The following PYROXD1 variants were observed in gnomAD, a reference collection of about 807,000 sequenced individuals.
PYROXD1 encodes the protein pyridine nucleotide-disulphide oxidoreductase domain 1, also known as tRNA ligase complex-associated NAD(P)H dehydrogenase PYROXD1.
Under a neutral mutation model 62.0 loss-of-function variants are expected in PYROXD1, and 42 were observed. The ratio of observed to expected loss-of-function variants is 0.68; its 90% CI spans 0.53 to 0.88. The LOEUF (loss-of-function observed/expected upper bound fraction) is 0.88. Ranked by LOEUF, PYROXD1 falls within the 40% of genes least tolerant of loss-of-function variation. The probability of loss-of-function intolerance (pLI) is 0.00; values close to 1 mark genes in which losing one functional copy is unlikely to be tolerated. For missense variants in PYROXD1, 493 were observed against 604.8 expected (o/e 0.82, Z 1.94); for synonymous variants, 170 against 206.4 (o/e 0.82, Z 1.51).
chr12:21,446,750 A>G (rs1371032086), intron 3 of PYROXD1, among the ~76,000 whole-genome samples: 1 of 151,960 alleles, frequency 6.6e-6, no homozygotes, highest in East Asian at 1.9e-4. Context: ...CATATCTACA[A>G]AAAATATACA....
chr12:21,467,228 T>TA, intron 10 of PYROXD1: 2 of 332,086 alleles, frequency 6.0e-6, no homozygotes, highest in Non-Finnish European at 1.1e-5. Context: ...TATAGTTTCA[T>TA]AATATTTAAT....
chr12:21,438,143 TTTTTTC>T (rs2137233355), intron 1 of PYROXD1: 2 of 260,856 alleles, frequency 7.7e-6, no homozygotes, highest in Non-Finnish European at 1.5e-5. Flanking sequence ...CTTTTTATTT[TTTTTTC>T]TTTTTCTTTG....
chr12:21,470,252 A>G lies in PYROXD1; in HGVS notation c.*1498A>G. ...TGTATTCTTAGAACCAGATTGCTGA[A>G]GCATGTTTGCAGCCTTCTTCTGGAA... On this transcript the variant is annotated 3_prime_UTR_variant, in exon 12 of 12. Coordinates refer to ENST00000240651, the MANE Select transcript of PYROXD1 (RefSeq NM_024854.5). 1 of 1,610,746 alleles carries G rather than the reference A, an allele frequency of 6.2e-7. No individual in the cohort carries two copies. The highest frequency in any genetic ancestry group is 2.2e-5 in the East Asian group (1 of 44,738).
At chr12:21,452,006 A>G (rs1452411751) in intron 4 of PYROXD1, 75 bp from the exon 5 acceptor site, 1 of 852,676 alleles carries the variant, frequency 1.2e-6, no homozygotes, top group South Asian at 1.7e-5. Flanking sequence ...TTTTTAGAAT[A>G]TTATCGAAGC....
Position 21,469,397 on chromosome 12 carries a change from A to C in PYROXD1, c.*643A>C, listed in dbSNP as rs1214630307. On this transcript the variant is annotated 3_prime_UTR_variant, in exon 12 of 12. Transcript: ENST00000240651. ...CAATTTTTTTTTTTTTAAGCTCATCAGCTATCGTCAGTGTTAGCATATTTT... is the reference window on the plus strand; with the variant it reads ...CAATTTTTTTTTTTTTAAGCTCATCCGCTATCGTCAGTGTTAGCATATTTT... 6.6e-6 allele frequency: 1 copy of C among 151,658 alleles called. No homozygotes were observed. The highest frequency in any genetic ancestry group is 2.1e-4 in the South Asian group (1 of 4,822). 9.4% of individuals were successfully genotyped at this position (151,658 alleles called of 1,614,324 possible).
chr12:21,465,000 C>G (rs1022858329), intron 10 of PYROXD1, among the ~76,000 whole-genome samples: 1 of 152,136 alleles, frequency 6.6e-6, no homozygotes, highest in Non-Finnish European at 1.5e-5. Context: ...GACATGAACT[C>G]ATCATTTTTT....
At position 21,440,387 on chromosome 12, in the gene PYROXD1, C is replaced by G. The variant is rs151083272; in HGVS notation, c.104C>G (p.Ser35Trp). Residue 35 changes from serine (S) to tryptophan (W), a missense_variant, in exon 2 of 12, where the codon TCG becomes TGG. Ser to Trp is a radical substitution (Grantham distance 177). Transcript: ENST00000240651. ...CAEQLATHFP[S>W]EDILLVTASP... ...AATAAGTTGGCTACTCACTTTCCAT[C>G]GGAAGATATTCTCTTGGTAACAGCT... The G allele has an allele frequency of 1.6e-5, 25 of 1,594,516 alleles. No individual in the cohort carries two copies. In the African/African-American group the frequency reaches 3.2e-4, roughly 21 times the overall value.
chr12:21,440,536 TTTC>T lies in PYROXD1; in HGVS notation c.165+91_165+93del, dbSNP rs1591934360. The T allele has an allele frequency of 1.9e-5, 14 of 749,664 alleles. No individual in the cohort carries two copies. The East Asian group carries it at 3.6e-4, about 19-fold the overall frequency. The allele number at this position is 749,664 out of a possible 1,614,324, so 46.4% of individuals were successfully genotyped here. ...GTTAGGGTAATTGTGTATTTTTTTC[TTTC>T]TTAAAAATTGACAAGTACAGTTATA... On this transcript the variant is annotated intron_variant, in intron 2 of 11. Transcript: ENST00000240651.
At chr12:21,459,193 T>C (rs1209923982) in intron 7 of PYROXD1, among the ~76,000 whole-genome samples, 3 of 152,132 alleles carry the variant, frequency 2.0e-5, no homozygotes, top group Non-Finnish European at 4.4e-5. Context: ...GTTTAGACTT[T>C]CCAACCTACA....
At chr12:21,463,569 G>A (rs1291935816) in intron 10 of PYROXD1, among the ~76,000 whole-genome samples, 1 of 151,910 alleles carries the variant, frequency 6.6e-6, no homozygotes, top group African/African-American at 2.4e-5. Context: ...GTGTGCGTCT[G>A]TAATCCCAGC....
chr12:21,467,318 C>T, intron 10 of PYROXD1, 163 bp from the exon 11 acceptor site: 13 of 535,364 alleles, frequency 2.4e-5, no homozygotes, highest in East Asian at 6.4e-5. Flanking sequence ...TAACAAATAC[C>T]AAAAATCAGT....
At chr12:21,466,253 T>G (rs1384200560) in intron 10 of PYROXD1, among the ~76,000 whole-genome samples, 1 of 150,348 alleles carries the variant, frequency 6.7e-6, no homozygotes, top group Non-Finnish European at 1.5e-5. Flanking sequence ...TAAATTACCT[T>G]GGGCAGTATG....
chr12:21,442,546 G>A (rs1253282560), intron 2 of PYROXD1, among the ~76,000 whole-genome samples: 1 of 152,188 alleles, frequency 6.6e-6, no homozygotes, highest in African/African-American at 2.4e-5. Context: ...TGAGATGTAG[G>A]TGGGCCCAGT....
At position 21,468,639 on chromosome 12, in the gene PYROXD1, G is replaced by C. The variant is rs1156897820; in HGVS notation, c.1388G>C (p.Gly463Ala). Reference protein sequence around the residue: ...NGRMMGAVLIGETDLEETFEN... With the variant: ...NGRMMGAVLIAETDLEETFEN... ...CGAATGATGGGAGCTGTCTTAATTG[G>C]TGAAACCGATTTAGAAGAAACATTT... The change falls in exon 12 of 12, where the codon GGT becomes GCT. Residue 463 changes from glycine (G) to alanine (A), a missense_variant. Physicochemically the swap from Gly to Ala is moderately conservative, Grantham distance 60 (BLOSUM62 0). Around this residue, in one of 2 missense-constraint regions of PYROXD1, gnomAD observed 329 missense variants for 446.6 expected, o/e 0.74. Coordinates refer to ENST00000240651, the MANE Select transcript of PYROXD1 (RefSeq NM_024854.5). 1 of 1,612,820 alleles carries C rather than the reference G, an allele frequency of 6.2e-7. No individual in the cohort carries two copies. Among genetic ancestry groups the C allele is most frequent in the African/African-American group, 1.3e-5 (1 of 74,852 alleles).
chr12:21,450,328 A>G (rs965451442), intron 4 of PYROXD1, among the ~76,000 whole-genome samples: 7 of 152,200 alleles, frequency 4.6e-5, no homozygotes, highest in Non-Finnish European at 7.3e-5. Context: ...GTGATTTGCA[A>G]CCTAAATAAT....
At position 21,470,350 on chromosome 12, in the gene PYROXD1, C is replaced by CCAAA; in HGVS notation, c.*1596_*1597insCAAA. ...GACAAGTTTGAGACGATTCAGCCTA[C>CCAAA]AAAAAAAAAAAAAAAACAAAGCAAG... On this transcript the variant is annotated 3_prime_UTR_variant, in exon 12 of 12. Transcript: ENST00000240651. 1 of 1,250,702 alleles carries CCAAA rather than the reference C, an allele frequency of 8.0e-7. No homozygotes were observed. The highest frequency in any genetic ancestry group is 1.0e-6 in the Non-Finnish European group (1 of 998,574). 77.5% of individuals were successfully genotyped at this position (1,250,702 alleles called of 1,614,324 possible). A position where few individuals can be genotyped will look rare whatever the true frequency, so the allele number is the denominator to read the frequency against.
chr12:21,466,866 G>C (rs944939065), intron 10 of PYROXD1, among the ~76,000 whole-genome samples: 1 of 152,082 alleles, frequency 6.6e-6, no homozygotes, highest in Non-Finnish European at 1.5e-5. Flanking sequence ...TAGCATGAAG[G>C]GTTGTTGAAT....
intron 6 of PYROXD1, 50 bp from the exon 7 acceptor site, chr12:21,455,945 C>T (rs1021215521): frequency 7.6e-5 from 92 of 1,216,166 alleles, no homozygotes; most frequent in Non-Finnish European, 1.0e-4. Context: ...AGAACACTAA[C>T]ATATTTCTCT....
intron 10 of PYROXD1, 121 bp downstream of exon 10, chr12:21,462,983 C>G (rs1303012317): frequency 2.4e-6 from 2 of 837,352 alleles, no homozygotes; most frequent in South Asian, 2.3e-5. Context: ...GAAGCTAGCA[C>G]AGTTGTTATA....
Sources: allele counts gnomAD v4.1 joint callset (sites outside exome capture counted in the v4.1 genomes callset), GRCh38; gene constraint gnomAD v4.1.1; regional missense constraint gnomAD v4.1.1; transcripts MANE v1.5; gene names NCBI Gene and HGNC (gene_info 2026-07-23, HGNC 2026-07-21).